SHCBP1: variants seen among roughly 807,000 people sequenced by gnomAD.
SHCBP1 encodes SHC binding and spindle associated 1, also known as SHC SH2 domain-binding protein 1.
A neutral mutation model predicts 75.1 loss-of-function variants in SHCBP1; 60 were observed. That is an observed-to-expected ratio of 0.80 (90% CI 0.65 to 0.99). The LOEUF (loss-of-function observed/expected upper bound fraction) is 0.99, where lower values mean the gene tolerates loss of function less well. Ranked by LOEUF, SHCBP1 falls within the 50% of genes least tolerant of loss-of-function variation. The probability of loss-of-function intolerance (pLI) is 0.00; values close to 1 mark genes in which losing one functional copy is unlikely to be tolerated. For missense variants in SHCBP1, 709 were observed against 809.4 expected, an observed-to-expected ratio of 0.88 and a Z score of 1.50; for synonymous variants, 290 against 293.2, an observed-to-expected ratio of 0.99 and a Z score of 0.11.
intron 7 of SHCBP1, 146 bp downstream of exon 7, chr16:46,603,829 G>T: frequency 7.8e-7 from 1 of 1,275,746 alleles, no homozygotes; most frequent in Non-Finnish European, 1.1e-6. Context: ...AGTGACTACT[G>T]CTGATGAAAG....
chr16:46,609,789 C>CA (rs1225436598), intron 4 of SHCBP1, among the ~76,000 whole-genome samples: 1 of 151,962 alleles, frequency 6.6e-6, no homozygotes, highest in Non-Finnish European at 1.5e-5. Flanking sequence ...AGTGATTTAA[C>CA]AAATTTATTA....
intron 10 of SHCBP1, among the ~76,000 whole-genome samples, chr16:46,589,614 TA>T (rs1403311349): frequency 2.4e-4 from 36 of 152,154 alleles, no homozygotes; most frequent in African/African-American, 8.0e-4. Flanking sequence ...ATCCAACTTA[TA>T]AGGGATGTGA....
chr16:46,609,252 G>A lies in SHCBP1; in HGVS notation c.597-863C>T, dbSNP rs530719021. 5.3e-5 allele frequency among the ~76,000 whole-genome samples: 8 copies of A among 152,088 alleles called. No individual in the cohort carries two copies. The East Asian group carries it at 7.8e-4, about 15-fold the overall frequency. ...CCAAGGCACAAGAATCGCTTGAACT[G>A]GGAGGCCGGGGCTGCAGTGAAGCGA... On this transcript the variant is annotated intron_variant, in intron 4 of 12. Coordinates refer to ENST00000303383, the MANE Select transcript of SHCBP1 (RefSeq NM_024745.5).
In SHCBP1 at chr16:46,584,036, C is replaced by A. The variant is rs371357916; in HGVS notation, c.1518G>T (p.Gly506=). The change falls in exon 11 of 13, where the codon GGG becomes GGT. Residue 506 remains glycine, a synonymous_variant. Coordinates refer to ENST00000303383, the MANE Select transcript of SHCBP1 (RefSeq NM_024745.5). ...PGSQCTLSDN[G]IHHCKEGILI... ...GGATCCCTTCCTTGCAGTGATGGAT[C>A]CCATTGTCACTCAGGGTGCACTGAC... 1 of 1,607,244 alleles carries A rather than the reference C, an allele frequency of 6.2e-7. No homozygotes were observed. The highest frequency in any genetic ancestry group is 2.2e-5 in the East Asian group (1 of 44,844).
At chr16:46,592,759 G>T (rs988155995) in intron 10 of SHCBP1, among the ~76,000 whole-genome samples, 1 of 151,474 alleles carries the variant, frequency 6.6e-6, no homozygotes. Context: ...GACCAAGTGG[G>T]TTTTATGCCA....
At chr16:46,591,649 C>T (rs1283800133) in intron 10 of SHCBP1, among the ~76,000 whole-genome samples, 3 of 152,002 alleles carry the variant, frequency 2.0e-5, no homozygotes, top group African/African-American at 7.2e-5. Context: ...CACCAACCAA[C>T]TTGATCTAGT....
chr16:46,586,659 CATCAT>C (rs1964958833), intron 10 of SHCBP1, among the ~76,000 whole-genome samples: 1 of 152,124 alleles, frequency 6.6e-6, no homozygotes, highest in Non-Finnish European at 1.5e-5. Context: ...CGCCAACATA[CATCAT>C]AATTAAACTA....
chr16:46,602,164 TA>T (rs1215938348), intron 8 of SHCBP1, among the ~76,000 whole-genome samples: 4 of 152,220 alleles, frequency 2.6e-5, no homozygotes, highest in African/African-American at 9.6e-5. Context: ...AACTCTTATC[TA>T]CCATACAAAC....
chr16:46,595,044 T>C (rs919800125), intron 10 of SHCBP1, among the ~76,000 whole-genome samples: 1 of 152,146 alleles, frequency 6.6e-6, no homozygotes, highest in African/African-American at 2.4e-5. Context: ...ATGAAATAAA[T>C]AGAAATGAAA....
At position 46,599,465 on chromosome 16, in the gene SHCBP1, G is replaced by A. The variant is rs189374347; in HGVS notation, c.1345+366C>T. Among the ~76,000 whole-genome samples the A allele has an allele frequency of 3.2e-4, 48 of 151,982 alleles. No homozygotes were observed. The East Asian group carries it at 5.0e-3, about 16-fold the overall frequency. On this transcript the variant is annotated intron_variant, in intron 9 of 12. Coordinates refer to ENST00000303383, the MANE Select transcript of SHCBP1 (RefSeq NM_024745.5). The stretch of plus-strand genomic sequence containing the variant: ...CAAAACCCACACAATTATCAGTTAA[G>A]TTCACCATCTTTTATGGATGTGGTT...
chr16:46,616,047 G>A lies in SHCBP1; in HGVS notation c.495C>T (p.Leu165=). The A allele has an allele frequency of 6.2e-7, 1 of 1,614,174 alleles. No individual in the cohort carries two copies. The highest frequency in any genetic ancestry group is 8.5e-7 in the Non-Finnish European group (1 of 1,180,034). Residue 165 remains leucine (L), a synonymous_variant, in exon 4 of 13, where the codon CTC becomes CTT. Coordinates refer to ENST00000303383, the MANE Select transcript of SHCBP1 (RefSeq NM_024745.5). The surrounding 1 kb of genome is among the most constrained non-coding windows in gnomAD (Gnocchi z 4.4). ...GCAACCGATGCTCCTTCAGATCAAG[G>A]AGCTCCTTCATGCACTCCATGGTAA... ...STFTMECMKE[L]LDLKEHRLPL...
rs766753931 is a variant in SHCBP1, at chr16:46,578,991, T to C, written c.*2738A>G. ...TAACTCCAGAAAAGTGAAGTGTATA[T>C]ACACTTGAGATCAAATGATCTCTGG... On this transcript the variant is annotated 3_prime_UTR_variant, in exon 13 of 13. Transcript: ENST00000303383. Among the ~76,000 whole-genome samples, 1 of 152,204 alleles carries C rather than the reference T, an allele frequency of 6.6e-6. No homozygotes were observed.
chr16:46,620,397 C>A (rs1331905019), intron 1 of SHCBP1: 1 of 152,264 alleles, frequency 6.6e-6, no homozygotes, highest in Non-Finnish European at 1.5e-5. Flanking sequence ...CCACTGGCAA[C>A]TACCACTCTA....
chr16:46,620,113 C>T (rs1567456689), intron 1 of SHCBP1, among the ~76,000 whole-genome samples: 1 of 152,240 alleles, frequency 6.6e-6, no homozygotes, highest in East Asian at 1.9e-4. Context: ...GAAATGATTA[C>T]CACAGTAAAG....
At chr16:46,585,238 G>A (rs1320480828) in intron 10 of SHCBP1, among the ~76,000 whole-genome samples, 1 of 152,092 alleles carries the variant, frequency 6.6e-6, no homozygotes, top group Non-Finnish European at 1.5e-5. Flanking sequence ...TTATGAAAAG[G>A]AACAGATAAT....
rs1011547872 is a variant in SHCBP1 at position 46,580,941 on chromosome 16, G to A, written c.*788C>T. 4.0e-5 allele frequency: 6 copies of A among 151,672 alleles called. No individual in the cohort carries two copies. The highest frequency in any genetic ancestry group is 8.8e-5 in the Non-Finnish European group (6 of 67,998). The allele number at this position is 151,672 out of a possible 1,614,324, so 9.4% of individuals were successfully genotyped here. On this transcript the variant is annotated 3_prime_UTR_variant, in exon 13 of 13. Coordinates refer to ENST00000303383, the MANE Select transcript of SHCBP1 (RefSeq NM_024745.5). Reference sequence around the variant, plus strand: ...TAAATTTATTTTTAGTAGAGACAGGGTCTCACTATGTTGCCTAGGCTAGTC... The same window carrying A: ...TAAATTTATTTTTAGTAGAGACAGGATCTCACTATGTTGCCTAGGCTAGTC...
At chr16:46,596,350 C>T (rs68168898) in intron 9 of SHCBP1, among the ~76,000 whole-genome samples, 149,709 of 151,958 alleles carry the variant, frequency 0.99, 73,772 homozygotes, top group East Asian at 1. Context: ...TACTAAAAAA[C>T]ACAAAAATTA....
chr16:46,596,845 A>G (rs551283833), intron 9 of SHCBP1, among the ~76,000 whole-genome samples: 1 of 151,246 alleles, frequency 6.6e-6, no homozygotes, highest in Non-Finnish European at 1.5e-5. Flanking sequence ...CTCCTGCTTC[A>G]GCCTCCAGAG....
Position 46,611,039 on chromosome 16 carries a change from A to G in SHCBP1, c.597-2650T>C, listed in dbSNP as rs183738821. Among the ~76,000 whole-genome samples the G allele has an allele frequency of 4.2e-3, 635 of 152,106 alleles. 1 individual carries two copies. Among genetic ancestry groups the G allele is most frequent in the Non-Finnish European group, 6.6e-3 (449 of 67,996 alleles). On this transcript the variant is annotated intron_variant, in intron 4 of 12. Coordinates refer to ENST00000303383, the MANE Select transcript of SHCBP1 (RefSeq NM_024745.5). ...GCCACTGTCTGTGTGGAGTATGTACATTTTTCCCATGTCCGCATGGGTTTT... is the reference window on the plus strand; with the variant it reads ...GCCACTGTCTGTGTGGAGTATGTACGTTTTTCCCATGTCCGCATGGGTTTT...
Sources: gnomAD v4.1 joint callset for allele counts (sites outside exome capture counted in the v4.1 genomes callset) on GRCh38, gnomAD v4.1.1 for gene constraint, Gnocchi (gnomAD v3.1) non-coding constraint, MANE v1.5 for transcripts, NCBI Gene and HGNC (gene_info 2026-07-23, HGNC 2026-07-21) for gene names.